The following ZBTB20 variants were observed in gnomAD, a reference collection of about 807,000 sequenced individuals.
The protein encoded by ZBTB20 is zinc finger and BTB domain-containing protein 20.
In ZBTB20, 9 loss-of-function variants were observed where a neutral mutation model predicts 56.9. The ratio of observed to expected loss-of-function variants is 0.16; its 90% confidence interval spans 0.10 to 0.28. The LOEUF (loss-of-function observed/expected upper bound fraction) is 0.28. ZBTB20 is among the 10% of genes least tolerant of loss of function. The probability of loss-of-function intolerance (pLI) is 1.00; values close to 1 mark genes in which losing one functional copy is unlikely to be tolerated. For synonymous variants in ZBTB20, 417 were observed against 420.7 expected (o/e 0.99, Z 0.11); for missense variants, 655 against 1,003.0 (o/e 0.65, Z 4.69).
intron 6 of ZBTB20, among the ~76,000 whole-genome samples, chr3:114,511,101 A>T (rs755237358): frequency 1.8e-5 from 1 of 54,128 alleles, no homozygotes; most frequent in Non-Finnish European, 3.2e-5. Context: ...TCCACATGCT[A>T]AAAAAAAAAA....
At chr3:114,603,764 C>T (rs561344152) in intron 6 of ZBTB20, among the ~76,000 whole-genome samples, 10 of 151,818 alleles carry the variant, frequency 6.6e-5, no homozygotes, top group African/African-American at 9.6e-5. Context: ...GAAAAATAAA[C>T]GCTAATGACA....
chr3:114,486,742 T>C (rs940052058), intron 7 of ZBTB20, among the ~76,000 whole-genome samples: 1 of 152,158 alleles, frequency 6.6e-6, no homozygotes, highest in Non-Finnish European at 1.5e-5. Flanking sequence ...TAATTTTAAA[T>C]TAGAGGTGAG....
At chr3:115,079,379 CTTA>C (rs1181059485) in intron 1 of ZBTB20, among the ~76,000 whole-genome samples, 1 of 149,458 alleles carries the variant, frequency 6.7e-6, no homozygotes, top group Non-Finnish European at 1.5e-5. Context: ...TCAAGTCTTT[CTTA>C]TTTATTTATT....
chr3:114,727,132 C>G (rs934097236), intron 5 of ZBTB20, among the ~76,000 whole-genome samples: 1 of 152,056 alleles, frequency 6.6e-6, no homozygotes, highest in Non-Finnish European at 1.5e-5. Flanking sequence ...CTTTGGCTTT[C>G]TAATCCCTCT....
Position 114,343,277 on chromosome 3 carries a change from C to T in ZBTB20, c.1805-3851G>A, listed in dbSNP as rs2079929893. 2.0e-5 allele frequency among the ~76,000 whole-genome samples: 3 copies of T among 152,162 alleles called. No homozygotes were observed. The South Asian group carries it at 6.2e-4, about 32-fold the overall frequency. Reference sequence around the variant, plus strand: ...CCCAATTTTGAATAGGAACCTCTTGCACTGGGGGCTCAGCAAGAACCCACT... The same window carrying T: ...CCCAATTTTGAATAGGAACCTCTTGTACTGGGGGCTCAGCAAGAACCCACT... On this transcript the variant is annotated intron_variant, in intron 11 of 11. Transcript: ENST00000675478.
chr3:114,809,002 C>T (rs1024337522), intron 4 of ZBTB20, among the ~76,000 whole-genome samples: 5 of 152,126 alleles, frequency 3.3e-5, no homozygotes, highest in African/African-American at 1.2e-4. Context: ...ACACTGAATA[C>T]GTCATCCCTC....
At chr3:114,440,361 C>T (rs2090830741) in intron 7 of ZBTB20, among the ~76,000 whole-genome samples, 1 of 152,100 alleles carries the variant, frequency 6.6e-6, no homozygotes, top group Admixed American at 6.6e-5. Flanking sequence ...AAAAAAAATC[C>T]TCCCACATCT....
At chr3:114,570,860 C>T (rs1011789364) in intron 6 of ZBTB20, among the ~76,000 whole-genome samples, 1 of 152,058 alleles carries the variant, frequency 6.6e-6, no homozygotes, top group Non-Finnish European at 1.5e-5. Flanking sequence ...AAAGAATAAG[C>T]TATTTGCTAT....
intron 1 of ZBTB20, among the ~76,000 whole-genome samples, chr3:115,085,169 G>C (rs964766416): frequency 6.6e-5 from 10 of 151,898 alleles, no homozygotes; most frequent in African/African-American, 2.4e-4. Context: ...GTCCCATATG[G>C]CTCTGATAAA....
intron 6 of ZBTB20, among the ~76,000 whole-genome samples, chr3:114,603,803 T>A (rs2056937515): frequency 6.6e-6 from 1 of 151,880 alleles, no homozygotes; most frequent in South Asian, 2.1e-4. Context: ...ATGGTTGACA[T>A]CACTTATAAT....
intron 7 of ZBTB20, among the ~76,000 whole-genome samples, chr3:114,481,772 G>C (rs2041576713): frequency 6.6e-6 from 1 of 152,238 alleles, no homozygotes; most frequent in Non-Finnish European, 1.5e-5. Context: ...ACAATGGGAA[G>C]AGATGGTGCT....
intron 4 of ZBTB20, among the ~76,000 whole-genome samples, chr3:114,826,265 T>C (rs2073521381): frequency 6.6e-6 from 1 of 151,752 alleles, no homozygotes; most frequent in Non-Finnish European, 1.5e-5. Flanking sequence ...TCGTCATTTT[T>C]ATACATTCAT....
chr3:114,842,568 A>C (rs780829385), intron 4 of ZBTB20, among the ~76,000 whole-genome samples: 6 of 152,206 alleles, frequency 3.9e-5, no homozygotes, highest in Non-Finnish European at 8.8e-5. Context: ...AAAGTTAAGA[A>C]AGAGGAGTGT....
At chr3:114,796,686 A>G (rs2071362261) in intron 5 of ZBTB20, among the ~76,000 whole-genome samples, 2 of 151,950 alleles carry the variant, frequency 1.3e-5, no homozygotes. Context: ...AGAATGATAT[A>G]TTTTGAGTAA....
chr3:114,899,808 T>C (rs1043703997), intron 4 of ZBTB20, among the ~76,000 whole-genome samples: 1 of 152,148 alleles, frequency 6.6e-6, no homozygotes, highest in Non-Finnish European at 1.5e-5. Flanking sequence ...CACTGCATGG[T>C]TGAGATTTTA....
intron 7 of ZBTB20, among the ~76,000 whole-genome samples, chr3:114,433,503 C>T (rs2090274630): frequency 6.6e-6 from 1 of 152,176 alleles, no homozygotes; most frequent in Admixed American, 6.6e-5. Context: ...GTGATGTTCT[C>T]TGCTTCTGAG....
At chr3:114,908,157 G>A (rs778816217) in intron 3 of ZBTB20, among the ~76,000 whole-genome samples, 5 of 151,840 alleles carry the variant, frequency 3.3e-5, no homozygotes, top group Non-Finnish European at 7.4e-5. Context: ...AAAGGTATAC[G>A]AAAGGCATTC....
chr3:114,345,030 T>C (rs1417765551), intron 11 of ZBTB20, among the ~76,000 whole-genome samples: 1 of 152,060 alleles, frequency 6.6e-6, no homozygotes, highest in Non-Finnish European at 1.5e-5. Context: ...ATATATTCTA[T>C]AGCAAATAAA....
chr3:114,691,835 T>C (rs555222479), intron 6 of ZBTB20, among the ~76,000 whole-genome samples: 1 of 152,228 alleles, frequency 6.6e-6, no homozygotes, highest in Non-Finnish European at 1.5e-5. Flanking sequence ...TACTCCTATG[T>C]GTTTTTCTAA....
Sources: allele counts gnomAD v4.1 joint callset (sites outside exome capture counted in the v4.1 genomes callset), GRCh38; gene constraint gnomAD v4.1.1; transcripts MANE v1.5; gene names NCBI Gene and HGNC (gene_info 2026-07-23, HGNC 2026-07-21).